The following LINGO2 variants were observed in gnomAD, a reference collection of about 807,000 sequenced individuals.
LINGO2 encodes the protein leucine-rich repeat and immunoglobulin-like domain-containing nogo receptor-interacting protein 2.
Under a neutral mutation model 30.6 loss-of-function variants are expected in LINGO2, and 14 were observed. The observed-to-expected ratio is 0.46, with a 90% CI of 0.30 to 0.72. LINGO2 has a LOEUF of 0.72. Among genes scored for constraint, LINGO2 ranks in the 30% least tolerant of loss-of-function variants. The pLI is 0.07. For synonymous variants in LINGO2, 317 were observed against 288.5 expected (o/e 1.10, Z -1.00); for missense variants, 729 against 751.7 (o/e 0.97, Z 0.35).
chr9:28,518,692 T>G (rs1469699733), intron 1 of LINGO2, among the ~76,000 whole-genome samples: 1 of 152,220 alleles, frequency 6.6e-6, no homozygotes, highest in Non-Finnish European at 1.5e-5. Flanking sequence ...TTTTCAAAAC[T>G]TATTATTCTT....
At chr9:29,117,390 T>C in the LINGO2 span, among the ~76,000 whole-genome samples, 3 of 152,322 alleles carry the variant, frequency 2.0e-5, no homozygotes, top group South Asian at 6.2e-4. Flanking sequence ...TTTTATATTA[T>C]CCACATAATG....
chr9:27,948,163 T>C (rs905044154), exon 6 of LINGO2: 1 of 152,210 alleles, frequency 6.6e-6, no homozygotes, highest in Admixed American at 6.5e-5. Context: ...TCCTGTTTCT[T>C]GGCATCCTAC....
intron 1 of LINGO2, among the ~76,000 whole-genome samples, chr9:28,478,754 C>T (rs761215757): frequency 5.9e-5 from 9 of 152,036 alleles, no homozygotes; most frequent in African/African-American, 1.4e-4. Flanking sequence ...CTCTTACTTA[C>T]TTTGTAATTT....
intron 5 of LINGO2, among the ~76,000 whole-genome samples, chr9:28,003,510 G>C (rs980313939): frequency 2.6e-5 from 4 of 152,140 alleles, no homozygotes; most frequent in African/African-American, 9.7e-5. Context: ...CCAGGCTGGA[G>C]TACAGTGGCA....
intron 1 of LINGO2, among the ~76,000 whole-genome samples, chr9:28,635,668 C>A (rs57516239): frequency 0.019 from 2,934 of 151,878 alleles, 67 homozygotes; most frequent in African/African-American, 0.04. Context: ...GTTTAAAAGT[C>A]ATAAGTAAAA....
intron 4 of LINGO2, among the ~76,000 whole-genome samples, chr9:28,104,255 G>GTTTTTTTTTTTTT (rs1453019033): frequency 1.5e-4 from 11 of 75,166 alleles, no homozygotes; most frequent in East Asian, 5.1e-4. Flanking sequence ...CCCAGTACAA[G>GTTTTTTTTTTTTT]TTTTTTGTTT....
chr9:29,066,304 G>A, the LINGO2 span, among the ~76,000 whole-genome samples: 2 of 151,910 alleles, frequency 1.3e-5, no homozygotes, highest in Non-Finnish European at 2.9e-5. Context: ...GAAGAATGTG[G>A]AAAATTCTAT....
chr9:29,133,453 A>G, the LINGO2 span, among the ~76,000 whole-genome samples: 1 of 152,132 alleles, frequency 6.6e-6, no homozygotes, highest in Non-Finnish European at 1.5e-5. Flanking sequence ...CTTGAACATT[A>G]GTTCATTTGG....
intron 2 of LINGO2, among the ~76,000 whole-genome samples, chr9:28,450,657 T>C (rs1256743487): frequency 1.3e-5 from 2 of 152,060 alleles, no homozygotes; most frequent in African/African-American, 2.4e-5. Context: ...CAAATCAACC[T>C]AACCCAAGAA....
intron 4 of LINGO2, among the ~76,000 whole-genome samples, chr9:28,099,599 A>G (rs146830471): frequency 1.3e-5 from 2 of 152,326 alleles, no homozygotes; most frequent in Non-Finnish European, 2.9e-5. Context: ...TACTTGGACT[A>G]TCACAATACT....
the LINGO2 span, among the ~76,000 whole-genome samples, chr9:28,784,903 G>A: frequency 9.3e-5 from 14 of 151,154 alleles, no homozygotes; most frequent in Non-Finnish European, 1.3e-4. Flanking sequence ...AGCCGAGATC[G>A]TGCCACTGCA....
the LINGO2 span, among the ~76,000 whole-genome samples, chr9:28,987,926 C>T: frequency 6.6e-6 from 1 of 152,210 alleles, no homozygotes; most frequent in East Asian, 1.9e-4. Flanking sequence ...CTTAAACTTT[C>T]TAAGGCTTTA....
chr9:28,800,898 T>A, the LINGO2 span, among the ~76,000 whole-genome samples: 1 of 152,094 alleles, frequency 6.6e-6, no homozygotes, highest in Admixed American at 6.6e-5. Context: ...GTGAAGTGTG[T>A]CCTCAAGCTG....
chr9:28,659,545 T>C (rs1177419149), intron 1 of LINGO2, among the ~76,000 whole-genome samples: 2 of 151,856 alleles, frequency 1.3e-5, no homozygotes, highest in Non-Finnish European at 2.9e-5. Flanking sequence ...ACTCCTGGGA[T>C]CAAGTCATCT....
intron 1 of LINGO2, among the ~76,000 whole-genome samples, chr9:28,589,973 C>A (rs1314614140): frequency 7.2e-5 from 11 of 152,108 alleles, no homozygotes; most frequent in African/African-American, 2.7e-4. Flanking sequence ...ACCAATGGAA[C>A]AGAACAGAGC....
chr9:28,387,915 A>C (rs1820268322), intron 2 of LINGO2, among the ~76,000 whole-genome samples: 1 of 152,052 alleles, frequency 6.6e-6, no homozygotes, highest in Admixed American at 6.6e-5. Flanking sequence ...ACCATCTTTA[A>C]GAACTGTAAC....
intron 4 of LINGO2, among the ~76,000 whole-genome samples, chr9:28,197,048 A>G (rs2133801439): frequency 6.6e-6 from 1 of 152,100 alleles, no homozygotes; most frequent in African/African-American, 2.4e-5. Context: ...AAAGAGTGGA[A>G]TTGGAATGCT....
chr9:29,083,605 C>T, the LINGO2 span, among the ~76,000 whole-genome samples: 32 of 151,030 alleles, frequency 2.1e-4, no homozygotes, highest in South Asian at 4.2e-4. Context: ...GAAGAATGCA[C>T]CTGGGGAGCA....
chr9:28,857,010 T>C, the LINGO2 span, among the ~76,000 whole-genome samples: 1 of 152,046 alleles, frequency 6.6e-6, no homozygotes, highest in Non-Finnish European at 1.5e-5. Context: ...AAATGCATAA[T>C]CACTTTTTTT....
Sources: gnomAD v4.1 joint callset for allele counts (sites outside exome capture counted in the v4.1 genomes callset) on GRCh38, gnomAD v4.1.1 for gene constraint, MANE v1.5 for transcripts, NCBI Gene and HGNC (gene_info 2026-07-23, HGNC 2026-07-21) for gene names.